The following UVRAG variants were observed in gnomAD, a reference collection of about 807,000 sequenced individuals.
UVRAG encodes UV radiation resistance-associated gene protein.
In UVRAG, 19 loss-of-function variants were observed where a neutral mutation model predicts 78.0. The ratio of observed to expected loss-of-function variants is 0.24; its 90% CI spans 0.17 to 0.36. The LOEUF (loss-of-function observed/expected upper bound fraction) is 0.36, where lower values mean the gene tolerates loss of function less well. Among genes scored for constraint, UVRAG ranks in the 10% least tolerant of loss-of-function variants. The pLI is 1.00. For missense variants in UVRAG, 740 were observed against 853.8 expected (o/e 0.87, Z 1.66); for synonymous variants, 323 against 324.6 (o/e 1.00, Z 0.05).
intron 12 of UVRAG, among the ~76,000 whole-genome samples, chr11:76,055,054 A>T (rs1950953821): frequency 1.3e-5 from 2 of 151,992 alleles, no homozygotes; most frequent in Non-Finnish European, 2.9e-5. Flanking sequence ...TAAATTTTCC[A>T]CCTATAGGAA....
At chr11:76,064,821 TA>T (rs1951157654) in intron 12 of UVRAG, among the ~76,000 whole-genome samples, 1 of 152,192 alleles carries the variant, frequency 6.6e-6, no homozygotes, top group South Asian at 2.1e-4. Context: ...TTCATTTCAA[TA>T]AGATTATTTT....
intron 8 of UVRAG, among the ~76,000 whole-genome samples, chr11:76,000,615 T>C (rs774950217): frequency 1.4e-5 from 2 of 144,178 alleles, no homozygotes; most frequent in African/African-American, 2.9e-5. Context: ...ACCCTGTTTC[T>C]TAAAAAAAAA....
intron 13 of UVRAG, among the ~76,000 whole-genome samples, chr11:76,107,140 G>C (rs1311173805): frequency 6.6e-6 from 1 of 152,162 alleles, no homozygotes; most frequent in Non-Finnish European, 1.5e-5. Context: ...TTGCTTTCTG[G>C]CCAATATAAG....
chr11:76,075,263 A>T (rs1040678987), intron 13 of UVRAG, among the ~76,000 whole-genome samples: 5 of 125,720 alleles, frequency 4.0e-5, no homozygotes, highest in South Asian at 2.3e-4. Context: ...TACTAAATTT[A>T]AAAAAAAGTT....
intron 5 of UVRAG, among the ~76,000 whole-genome samples, chr11:75,901,920 A>G (rs1395081857): frequency 6.6e-6 from 1 of 152,030 alleles, no homozygotes; most frequent in African/African-American, 2.4e-5. Flanking sequence ...GATCCCTTTT[A>G]TATGCTTCCG....
chr11:75,914,826 A>C (rs555957836), intron 6 of UVRAG, among the ~76,000 whole-genome samples: 20 of 151,388 alleles, frequency 1.3e-4, no homozygotes, highest in Middle Eastern at 6.8e-3. Context: ...TATTCTAGTT[A>C]ATTAATTTTC....
chr11:75,936,562 C>G (rs1205928040), intron 6 of UVRAG, among the ~76,000 whole-genome samples: 6 of 152,120 alleles, frequency 3.9e-5, no homozygotes, highest in Non-Finnish European at 8.8e-5. Context: ...TCAAATCACT[C>G]CAGATTTGGC....
At chr11:75,985,891 G>A (rs1949493010) in intron 8 of UVRAG, among the ~76,000 whole-genome samples, 1 of 151,788 alleles carries the variant, frequency 6.6e-6, no homozygotes, top group South Asian at 2.1e-4. Flanking sequence ...CTATTTTTCT[G>A]GTCCTTTGCC....
At chr11:76,040,826 A>T (rs1385641532) in intron 12 of UVRAG, among the ~76,000 whole-genome samples, 1 of 152,086 alleles carries the variant, frequency 6.6e-6, no homozygotes, top group African/African-American at 2.4e-5. Flanking sequence ...AGGTGCTGGG[A>T]TTACAGGTGT....
chr11:75,844,642 A>AT (rs1179715555), intron 1 of UVRAG, among the ~76,000 whole-genome samples: 1 of 150,182 alleles, frequency 6.7e-6, no homozygotes, highest in African/African-American at 2.5e-5. Flanking sequence ...TAATATTTTT[A>AT]TTTTTTTACT....
intron 12 of UVRAG, among the ~76,000 whole-genome samples, chr11:76,057,780 G>A (rs1298952600): frequency 2.0e-5 from 3 of 151,894 alleles, no homozygotes; most frequent in Non-Finnish European, 2.9e-5. Flanking sequence ...TCTACCAGGT[G>A]CTTTACTTTG....
chr11:75,951,123 C>T (rs182297872), intron 6 of UVRAG, among the ~76,000 whole-genome samples: 14 of 152,004 alleles, frequency 9.2e-5, no homozygotes, highest in African/African-American at 3.1e-4. Context: ...TGTGTTATTC[C>T]AGAGGCACTG....
intron 3 of UVRAG, among the ~76,000 whole-genome samples, chr11:75,869,543 T>A (rs2134818463): frequency 6.6e-6 from 1 of 152,334 alleles, no homozygotes; most frequent in East Asian, 1.9e-4. Context: ...AACTTCTGTC[T>A]GTTTAACTAC....
At chr11:76,056,050 A>G (rs1950979202) in intron 12 of UVRAG, among the ~76,000 whole-genome samples, 1 of 152,214 alleles carries the variant, frequency 6.6e-6, no homozygotes, top group South Asian at 2.1e-4. Flanking sequence ...GAGTTCCATC[A>G]AATACATAGG....
At chr11:76,121,490 C>T (rs1432196487) in intron 14 of UVRAG, among the ~76,000 whole-genome samples, 7 of 152,222 alleles carry the variant, frequency 4.6e-5, no homozygotes, top group Admixed American at 2.0e-4. Context: ...TTGACATGCA[C>T]AGGCACCACT....
intron 12 of UVRAG, among the ~76,000 whole-genome samples, chr11:76,063,677 A>G (rs1026819112): frequency 4.6e-5 from 7 of 152,192 alleles, no homozygotes; most frequent in African/African-American, 1.7e-4. Flanking sequence ...GGAAATATAT[A>G]GTTCATCCTC....
At chr11:76,030,480 A>G (rs1690829434) in intron 12 of UVRAG, among the ~76,000 whole-genome samples, 1 of 152,190 alleles carries the variant, frequency 6.6e-6, no homozygotes, top group Non-Finnish European at 1.5e-5. Context: ...CGGGTTAGTG[A>G]ATGCTGAAGC....
At chr11:75,959,936 A>G (rs2135197366) in intron 6 of UVRAG, among the ~76,000 whole-genome samples, 1 of 152,326 alleles carries the variant, frequency 6.6e-6, no homozygotes, top group South Asian at 2.1e-4. Flanking sequence ...ATGGCCAGTC[A>G]GTAGAGCAGT....
chr11:76,037,733 G>A (rs1487795994), intron 12 of UVRAG, among the ~76,000 whole-genome samples: 1 of 151,820 alleles, frequency 6.6e-6, no homozygotes, highest in Non-Finnish European at 1.5e-5. Flanking sequence ...TGGTGGGGGC[G>A]GGTACTTAAA....
Sources: gnomAD v4.1 joint callset for allele counts (sites outside exome capture counted in the v4.1 genomes callset) on GRCh38, gnomAD v4.1.1 for gene constraint, MANE v1.5 for transcripts, NCBI Gene and HGNC (gene_info 2026-07-23, HGNC 2026-07-21) for gene names.